Variants in PAQR5 observed in about 807,000 individuals in gnomAD.
PAQR5 encodes membrane progestin receptor gamma.
PAQR5 carries 20 observed loss-of-function variants against 34.5 expected under a neutral mutation model. That is an observed-to-expected ratio of 0.58 (90% confidence interval 0.41 to 0.84). The LOEUF (loss-of-function observed/expected upper bound fraction) is 0.84. Among genes scored for constraint, PAQR5 ranks in the 40% least tolerant of loss-of-function variants. The probability of loss-of-function intolerance (pLI) is 0.00; values close to 1 mark genes in which losing one functional copy is unlikely to be tolerated. For missense variants in PAQR5, 378 were observed against 412.7 expected, an observed-to-expected ratio of 0.92 and a Z score of 0.73; for synonymous variants, 131 against 155.6, an observed-to-expected ratio of 0.84 and a Z score of 1.18.
At chr15:69,322,766 A>AGAG (rs1566997947) in intron 1 of PAQR5, among the ~76,000 whole-genome samples, 344 of 25,820 alleles carry the variant, frequency 0.013, 59 homozygotes, top group Non-Finnish European at 0.023. Flanking sequence ...AAGAAGAAGA[A>AGAG]GAAGAGGGAG....
chr15:69,385,588 T>A lies in PAQR5; in HGVS notation c.385+706T>A, dbSNP rs1254303795. Among the ~76,000 whole-genome samples, 1 of 152,094 alleles carries A rather than the reference T, an allele frequency of 6.6e-6. No individual in the cohort carries two copies. Among genetic ancestry groups the A allele is most frequent in the Non-Finnish European group, 1.5e-5 (1 of 68,000 alleles). The stretch of plus-strand genomic sequence containing the variant: ...CTCCCTCCTCTGGCCTCTTCTCTCC[T>A]CCCCTTGTGGGCATGCATCTATCCC... On this transcript the variant is annotated intron_variant, in intron 5 of 8. Coordinates refer to ENST00000395407, the MANE Select transcript of PAQR5 (RefSeq NM_017705.4). This position sits in a 1 kb window ranked among gnomAD's most constrained non-coding sequence, Gnocchi z 4.7.
intron 2 of PAQR5, among the ~76,000 whole-genome samples, chr15:69,351,614 G>C (rs775126109): frequency 6.6e-6 from 1 of 152,152 alleles, no homozygotes; most frequent in African/African-American, 2.4e-5. Flanking sequence ...TAGTTTGCAG[G>C]GCACTTGATC....
rs937228081 is a variant in PAQR5 at position 69,351,807 on chromosome 15, G to A, written c.-115-8159G>A. On this transcript the variant is annotated intron_variant, in intron 2 of 8. Transcript: ENST00000395407. ...GTGTAATTTCTAGGGATCCAGTGGT[G>A]TGGGTGGGGTATCTTGAGATATCCC... is the stretch of plus-strand genomic sequence containing the variant. 5.3e-5 allele frequency among the ~76,000 whole-genome samples: 8 copies of A among 152,352 alleles called. No individual in the cohort carries two copies. The South Asian group carries it at 8.3e-4, about 16-fold the overall frequency.
At chr15:69,350,088 G>A (rs965631885) in intron 2 of PAQR5, among the ~76,000 whole-genome samples, 7 of 152,212 alleles carry the variant, frequency 4.6e-5, no homozygotes, top group African/African-American at 7.2e-5. Context: ...AAAAGCAGTC[G>A]CTTAATTGGA....
At chr15:69,375,814 T>C (rs569119698) in intron 3 of PAQR5, among the ~76,000 whole-genome samples, 1 of 152,334 alleles carries the variant, frequency 6.6e-6, no homozygotes, top group East Asian at 1.9e-4. Flanking sequence ...GAATAGCGCC[T>C]GAGGTCCCCT....
rs56373572 is a variant in PAQR5 at position 69,300,888 on chromosome 15, T to C, written c.-277+1832T>C. Among the ~76,000 whole-genome samples the C allele has an allele frequency of 1.7e-3, 46 of 27,016 alleles. 2 individuals carry two copies. The highest frequency in any genetic ancestry group is 4.6e-3 in the South Asian group (2 of 436). The allele number at this position is 27,016 out of a possible 152,430, so 17.7% of individuals were successfully genotyped here. On this transcript the variant is annotated intron_variant, in intron 1 of 8. Coordinates refer to ENST00000395407, the MANE Select transcript of PAQR5 (RefSeq NM_017705.4). ...TTCTTTCTTTCTTTCTTTCTTTCTT[T>C]CTTTCTTCCTTCCTTCCTTCCTTCC...
chr15:69,307,477 G>T (rs762642010), intron 1 of PAQR5, among the ~76,000 whole-genome samples: 8 of 152,110 alleles, frequency 5.3e-5, no homozygotes, highest in Non-Finnish European at 1.0e-4. Context: ...GGGGAGAGGA[G>T]GGAAGGAAAA....
chr15:69,401,716 C>T (rs961487295), intron 8 of PAQR5, among the ~76,000 whole-genome samples: 2 of 152,328 alleles, frequency 1.3e-5, no homozygotes, highest in Middle Eastern at 3.4e-3. Context: ...AGATCATTAA[C>T]AAGATTTGGA....
intron 4 of PAQR5, among the ~76,000 whole-genome samples, chr15:69,382,077 C>T (rs774281117): frequency 2.0e-5 from 3 of 152,076 alleles, no homozygotes; most frequent in Non-Finnish European, 2.9e-5. Context: ...CTAGCTATTC[C>T]GAAAAGTGAT....
rs374044005 is a variant in PAQR5, at chr15:69,397,516, C to T, written c.561C>T (p.Leu187=). The change falls in exon 7 of 9, where the codon CTC becomes CTT. Residue 187 remains leucine, a synonymous_variant. Transcript: ENST00000395407. Reference sequence around the variant, plus strand: ...GACTCTGTAAGGTGATTCGTGTCCTCGCCTTTGCTTATCCGTACACCTGGG... The same window carrying T: ...GACTCTGTAAGGTGATTCGTGTCCTTGCCTTTGCTTATCCGTACACCTGGG... ...KPRLCKVIRV[L]AFAYPYTWDS... The T allele has an allele frequency of 7.9e-5, 127 of 1,613,814 alleles. 1 individual carries two copies. Among genetic ancestry groups the T allele is most frequent in the African/African-American group, 2.1e-4 (16 of 74,926 alleles).
chr15:69,308,928 G>T (rs2053773201), intron 1 of PAQR5, among the ~76,000 whole-genome samples: 1 of 152,152 alleles, frequency 6.6e-6, no homozygotes, highest in African/African-American at 2.4e-5. Flanking sequence ...GAACACTCTA[G>T]GTTCTGATGA....
chr15:69,335,549 T>G (rs1287172164), intron 1 of PAQR5, among the ~76,000 whole-genome samples: 5 of 129,632 alleles, frequency 3.9e-5, no homozygotes, highest in Admixed American at 1.5e-4. Flanking sequence ...CCAGTTTTTT[T>G]TTTTTTTTTT....
chr15:69,366,537 T>C (rs2055407550), intron 3 of PAQR5, among the ~76,000 whole-genome samples: 1 of 152,192 alleles, frequency 6.6e-6, no homozygotes, highest in African/African-American at 2.4e-5. Flanking sequence ...ATACTACTGA[T>C]TTAACTTAAT....
chr15:69,307,324 C>T (rs566449027), intron 1 of PAQR5, among the ~76,000 whole-genome samples: 27 of 152,272 alleles, frequency 1.8e-4, no homozygotes, highest in Admixed American at 1.0e-3. Flanking sequence ...CCTTTGGATG[C>T]GTGCCCAGAA....
At chr15:69,368,606 G>C (rs1395659039) in intron 3 of PAQR5, among the ~76,000 whole-genome samples, 1 of 152,026 alleles carries the variant, frequency 6.6e-6, no homozygotes, top group Admixed American at 6.6e-5. Flanking sequence ...TCTCTTATTA[G>C]CTTTTTCATA....
chr15:69,317,721 C>T (rs1299938506), intron 1 of PAQR5, among the ~76,000 whole-genome samples: 2 of 152,162 alleles, frequency 1.3e-5, no homozygotes, highest in Non-Finnish European at 2.9e-5. Flanking sequence ...CCCTCACTGG[C>T]CTGGCATTGA....
chr15:69,365,987 A>C (rs1460387471), intron 3 of PAQR5, among the ~76,000 whole-genome samples: 1 of 152,226 alleles, frequency 6.6e-6, no homozygotes, highest in Non-Finnish European at 1.5e-5. Context: ...CCACCCTGTA[A>C]AAGTGTACAA....
chr15:69,302,487 T>C (rs2053627564), intron 1 of PAQR5, among the ~76,000 whole-genome samples: 1 of 152,096 alleles, frequency 6.6e-6, no homozygotes, highest in African/African-American at 2.4e-5. Context: ...GCCCCTGTAG[T>C]TGGAGGTGGC....
At chr15:69,314,159 C>T (rs1595839208) in intron 1 of PAQR5, among the ~76,000 whole-genome samples, 1 of 151,960 alleles carries the variant, frequency 6.6e-6, no homozygotes, top group East Asian at 1.9e-4. Flanking sequence ...GTCTTTGGTA[C>T]ACGTCCTCTC....
Sources: gnomAD v4.1 joint callset for allele counts (sites outside exome capture counted in the v4.1 genomes callset) on GRCh38, gnomAD v4.1.1 for gene constraint, Gnocchi (gnomAD v3.1) non-coding constraint, MANE v1.5 for transcripts, NCBI Gene and HGNC (gene_info 2026-07-23, HGNC 2026-07-21) for gene names.